COL22A1: variants seen among roughly 807,000 people sequenced by gnomAD.
COL22A1 encodes collagen type XXII alpha 1 chain, also known as collagen alpha-1(XXII) chain.
A neutral mutation model predicts 248.9 loss-of-function variants in COL22A1; 221 were observed. The ratio of observed to expected loss-of-function variants is 0.89; its 90% CI spans 0.80 to 0.99. The LOEUF is 0.99. COL22A1 is among the 50% of genes least tolerant of loss of function. The pLI, the probability that COL22A1 is intolerant of heterozygous loss-of-function variation, is 0.00. For missense variants in COL22A1, 2,240 were observed against 2,179.0 expected, an observed-to-expected ratio of 1.03 and a Z score of -0.56; for synonymous variants, 891 against 793.4, an observed-to-expected ratio of 1.12 and a Z score of -2.07.
At chr8:138,898,521 C>T (rs1018454124) in intron 1 of COL22A1, among the ~76,000 whole-genome samples, 1 of 152,122 alleles carries the variant, frequency 6.6e-6, no homozygotes, top group African/African-American at 2.4e-5. Context: ...TTGGGATGAG[C>T]ATTCCTCAGA....
intron 23 of COL22A1, among the ~76,000 whole-genome samples, chr8:138,727,265 C>A (rs1221778465): frequency 6.6e-6 from 1 of 152,160 alleles, no homozygotes; most frequent in Non-Finnish European, 1.5e-5. Context: ...CCTCCCCTCC[C>A]CTCCTCCCAC....
At chr8:138,795,206 C>T (rs1223646624) in intron 12 of COL22A1, among the ~76,000 whole-genome samples, 4 of 152,016 alleles carry the variant, frequency 2.6e-5, no homozygotes, top group Non-Finnish European at 5.9e-5. Flanking sequence ...ATTTTTAGGT[C>T]GGGAGATGGA....
At chr8:138,596,726 T>C (rs977002103) in intron 62 of COL22A1, among the ~76,000 whole-genome samples, 178 bp downstream of exon 62, 3 of 152,152 alleles carry the variant, frequency 2.0e-5, no homozygotes, top group Admixed American at 6.5e-5. Context: ...CTAGAGAAAG[T>C]ATGTGTCAGA....
At chr8:138,749,921 A>C (rs966550707) in intron 22 of COL22A1, among the ~76,000 whole-genome samples, 1 of 152,078 alleles carries the variant, frequency 6.6e-6, no homozygotes, top group African/African-American at 2.4e-5. Context: ...CCCCACCCAA[A>C]TCTCATCTTG....
Position 138,693,657 on chromosome 8 carries a change from C to T in COL22A1, c.2743G>A (p.Ala915Thr). The change falls in exon 35 of 65, where the codon GCT becomes ACT. Residue 915 changes from alanine (A) to threonine (T), a missense_variant. By Grantham distance (58) the Ala-to-Thr change is moderately conservative. Transcript: ENST00000303045. ...QEGAHGAPGA[A>T]GNPGAPGHVG... ...TCATAGGGACTCACGGGGTTTCCAGCTGCTCCAGGAGCCCCATGTGCACCT... is the reference window on the plus strand; with the variant it reads ...TCATAGGGACTCACGGGGTTTCCAGTTGCTCCAGGAGCCCCATGTGCACCT... 1 of 1,586,162 alleles carries T rather than the reference C, an allele frequency of 6.3e-7. No homozygotes were observed. The highest frequency in any genetic ancestry group is 8.6e-7 in the Non-Finnish European group (1 of 1,166,096).
At position 138,594,014 on chromosome 8, in the gene COL22A1, C is replaced by T. The variant is rs372973189; in HGVS notation, c.4615+3G>A. ...AGCATATCTCCTCCAGGTCTTCACT[C>T]ACCTTTGGGACCTATGGGTCCAGAG... On this transcript the variant is annotated splice_donor_region_variant and intron_variant, in intron 63 of 64. Coordinates refer to ENST00000303045, the MANE Select transcript of COL22A1 (RefSeq NM_152888.3). 2.6e-6 allele frequency: 4 copies of T among 1,546,284 alleles called. No homozygotes were observed. In the African/African-American group the frequency reaches 5.7e-5, roughly 22 times the overall value.
intron 48 of COL22A1, among the ~76,000 whole-genome samples, chr8:138,635,346 C>T (rs1300948333): frequency 1.3e-5 from 2 of 151,942 alleles, no homozygotes; most frequent in Non-Finnish European, 2.9e-5. Context: ...ACAAGAGGGG[C>T]CATAATAATT....
At chr8:138,819,959 A>G (rs1818971892) in intron 7 of COL22A1, among the ~76,000 whole-genome samples, 1 of 152,118 alleles carries the variant, frequency 6.6e-6, no homozygotes, top group Non-Finnish European at 1.5e-5. Context: ...AGTAAAGTGC[A>G]TGGAGATGTA....
chr8:138,805,054 G>GTGTGATAGTGTGTGC (rs1817376993), intron 10 of COL22A1, among the ~76,000 whole-genome samples: 1 of 101,200 alleles, frequency 9.9e-6, no homozygotes, highest in African/African-American at 6.5e-5. Context: ...TGTGTGTAAT[G>GTGTGATAGTGTGTGC]GTGTGTGATG....
At chr8:138,814,634 C>T (rs1256637550) in intron 7 of COL22A1, among the ~76,000 whole-genome samples, 3 of 152,112 alleles carry the variant, frequency 2.0e-5, no homozygotes, top group African/African-American at 4.8e-5. Flanking sequence ...GGCTTTTCAG[C>T]CTTATTTGAG....
chr8:138,848,205 G>A (rs1393947307), intron 3 of COL22A1, among the ~76,000 whole-genome samples: 1 of 152,160 alleles, frequency 6.6e-6, no homozygotes, highest in Non-Finnish European at 1.5e-5. Flanking sequence ...ACACAAAAAC[G>A]AAAACATCTA....
intron 23 of COL22A1, among the ~76,000 whole-genome samples, chr8:138,734,230 G>A (rs1002060138): frequency 6.6e-6 from 1 of 152,184 alleles, no homozygotes; most frequent in African/African-American, 2.4e-5. Flanking sequence ...CACCTTGCCT[G>A]AATAAATATG....
At chr8:138,805,333 C>CTGTGTGATGGCGTGGA (rs1817430238) in intron 10 of COL22A1, among the ~76,000 whole-genome samples, 3 of 115,430 alleles carry the variant, frequency 2.6e-5, no homozygotes, top group Admixed American at 1.8e-4. Context: ...GATGGTGTGG[C>CTGTGTGATGGCGTGGA]TGTGTGATGG....
At chr8:138,881,514 T>C (rs977056162) in intron 2 of COL22A1, among the ~76,000 whole-genome samples, 8 of 151,596 alleles carry the variant, frequency 5.3e-5, no homozygotes, top group Non-Finnish European at 1.0e-4. Context: ...TGAAACCCCG[T>C]CTCTACTAAA....
chr8:138,637,634 C>A (rs1295374703), intron 47 of COL22A1, among the ~76,000 whole-genome samples: 1 of 152,142 alleles, frequency 6.6e-6, no homozygotes, highest in East Asian at 1.9e-4. Context: ...TGTCATTGGA[C>A]AAGATACTTA....
intron 3 of COL22A1, among the ~76,000 whole-genome samples, chr8:138,873,551 G>A (rs1248257175): frequency 2.0e-5 from 3 of 152,168 alleles, no homozygotes; most frequent in Admixed American, 6.5e-5. Flanking sequence ...ATATCCTTGT[G>A]TGTGAAGACA....
chr8:138,598,970 G>A, intron 60 of COL22A1, 72 bp from the exon 61 acceptor site: 3 of 1,508,734 alleles, frequency 2.0e-6, no homozygotes, highest in South Asian at 1.2e-5. Context: ...TGCAAAAGGG[G>A]TTCCCCCAGT....
chr8:138,801,156 G>A (rs1353324667), intron 11 of COL22A1, among the ~76,000 whole-genome samples: 1 of 152,204 alleles, frequency 6.6e-6, no homozygotes, highest in Non-Finnish European at 1.5e-5. Context: ...AGATATGCAT[G>A]TGTAGGTGAA....
intron 16 of COL22A1, among the ~76,000 whole-genome samples, chr8:138,775,701 A>T (rs1269734971): frequency 1.3e-5 from 2 of 152,204 alleles, no homozygotes; most frequent in African/African-American, 4.8e-5. Context: ...GCCTTGGTGC[A>T]GAGGATGACA....
Sources: gnomAD v4.1 joint callset for allele counts (sites outside exome capture counted in the v4.1 genomes callset) on GRCh38, gnomAD v4.1.1 for gene constraint, MANE v1.5 for transcripts, NCBI Gene and HGNC (gene_info 2026-07-23, HGNC 2026-07-21) for gene names.